RGS7: variants seen among roughly 807,000 people sequenced by gnomAD.
RGS7 encodes the protein regulator of G protein signaling 7.
A neutral mutation model predicts 81.1 loss-of-function variants in RGS7; 27 were observed. That is an observed-to-expected ratio of 0.33 (90% confidence interval 0.25 to 0.46). RGS7 has a LOEUF of 0.46. RGS7 is among the 20% of genes least tolerant of loss of function. RGS7 has a pLI of 1.00. For synonymous variants in RGS7, 208 were observed against 207.7 expected (o/e 1.00, Z -0.01); for missense variants, 396 against 607.4 (o/e 0.65, Z 3.66).
At chr1:241,109,362 T>C (rs975143567) in intron 2 of RGS7, among the ~76,000 whole-genome samples, 1 of 152,108 alleles carries the variant, frequency 6.6e-6, no homozygotes, top group Non-Finnish European at 1.5e-5. Flanking sequence ...CCTACCTCTC[T>C]CATCCCAACA....
chr1:241,016,539 TCAA>T lies in RGS7; in HGVS notation c.176-33413_176-33411del, dbSNP rs763293095. ...CTCAAAAAAACACAAAAAACAAAAA[TCAA>T]CAACAACAAAAACCAACCAAACAAA... On this transcript the variant is annotated intron_variant, in intron 3 of 18. Transcript: ENST00000440928. Among the ~76,000 whole-genome samples the T allele has an allele frequency of 1.9e-3, 279 of 145,458 alleles. 7 individuals are homozygous for T. In the East Asian group the frequency reaches 0.046, roughly 24 times the overall value.
chr1:240,796,530 C>CA, intron 18 of RGS7, among the ~76,000 whole-genome samples: 1 of 152,198 alleles, frequency 6.6e-6, no homozygotes, highest in African/African-American at 2.4e-5. Context: ...TACTAAAATA[C>CA]AAAAAATTAG....
intron 18 of RGS7, among the ~76,000 whole-genome samples, chr1:240,778,872 G>A (rs1683444925): frequency 6.6e-6 from 1 of 152,080 alleles, no homozygotes; most frequent in Admixed American, 6.5e-5. Flanking sequence ...CTAGGCTTAT[G>A]TTTATTCACT....
At chr1:240,941,495 T>A (rs560945865) in intron 4 of RGS7, among the ~76,000 whole-genome samples, 6 of 152,162 alleles carry the variant, frequency 3.9e-5, no homozygotes, top group Admixed American at 3.9e-4. Flanking sequence ...GCTAAATCAA[T>A]GAACAAGGAC....
chr1:240,848,176 G>A (rs1462279418), intron 9 of RGS7, among the ~76,000 whole-genome samples: 4 of 152,142 alleles, frequency 2.6e-5, no homozygotes, highest in Non-Finnish European at 1.5e-5. Context: ...GGAATTGAAT[G>A]GAGAAAGAGA....
In RGS7 at chr1:241,241,094, C is replaced by A. The variant is rs568155151; in HGVS notation, c.78+114605G>T. On this transcript the variant is annotated intron_variant, in intron 2 of 18. Coordinates refer to ENST00000440928, the MANE Select transcript of RGS7 (RefSeq NM_001364886.1). ...ACTGCCTGTTTGCTGCCCTCCAGGT[C>A]TTCTGCAGTGAGACCCCCTGCTTTT... Among the ~76,000 whole-genome samples the A allele has an allele frequency of 9.9e-5, 15 of 152,236 alleles. No homozygotes were observed. The South Asian group carries it at 2.7e-3, about 27-fold the overall frequency.
At chr1:241,328,855 T>C (rs1258171266) in intron 2 of RGS7, among the ~76,000 whole-genome samples, 1 of 152,210 alleles carries the variant, frequency 6.6e-6, no homozygotes, top group Non-Finnish European at 1.5e-5. Flanking sequence ...ATGAAAATAC[T>C]CTGGAAACAA....
At chr1:240,896,961 G>T (rs1357836426) in intron 6 of RGS7, among the ~76,000 whole-genome samples, 2 of 152,062 alleles carry the variant, frequency 1.3e-5, no homozygotes, top group Non-Finnish European at 2.9e-5. Flanking sequence ...TTATTTCGTT[G>T]AGCAGTGGTT....
intron 4 of RGS7, among the ~76,000 whole-genome samples, chr1:240,976,793 CATCT>C (rs34903099): frequency 0.42 from 63,419 of 150,682 alleles, 14,936 homozygotes; most frequent in East Asian, 0.68. Context: ...ATCTATTATC[CATCT>C]ATCTATCATC....
At chr1:241,137,613 A>G (rs2067613863) in intron 2 of RGS7, among the ~76,000 whole-genome samples, 1 of 152,214 alleles carries the variant, frequency 6.6e-6, no homozygotes, top group South Asian at 2.1e-4. Context: ...ATTAGGCTCA[A>G]TTCAGGATGC....
intron 2 of RGS7, among the ~76,000 whole-genome samples, chr1:241,295,182 C>G (rs958176675): frequency 6.6e-6 from 1 of 152,104 alleles, no homozygotes; most frequent in Non-Finnish European, 1.5e-5. Flanking sequence ...GGTGCGGTGG[C>G]TCACGCCTGT....
intron 3 of RGS7, among the ~76,000 whole-genome samples, chr1:241,030,305 C>T (rs1484640898): frequency 6.8e-6 from 1 of 147,646 alleles, no homozygotes; most frequent in Non-Finnish European, 1.5e-5. Flanking sequence ...GATTTCTACC[C>T]TCCCACAGGG....
At chr1:241,196,991 T>TAAAAAAAAAA (rs34557484) in intron 2 of RGS7, among the ~76,000 whole-genome samples, 4 of 132,594 alleles carry the variant, frequency 3.0e-5, no homozygotes, top group Admixed American at 7.4e-5. Flanking sequence ...CAAAAGAATG[T>TAAAAAAAAAA]AAAAAAAAAA....
At chr1:241,045,413 G>A (rs538331606) in intron 3 of RGS7, among the ~76,000 whole-genome samples, 12 of 152,156 alleles carry the variant, frequency 7.9e-5, no homozygotes, top group Middle Eastern at 6.8e-3. Flanking sequence ...GCCCAGGCTG[G>A]AGTGCAGTGG....
At chr1:241,320,721 A>G (rs550971120) in intron 2 of RGS7, among the ~76,000 whole-genome samples, 1 of 152,344 alleles carries the variant, frequency 6.6e-6, no homozygotes, top group South Asian at 2.1e-4. Flanking sequence ...TTTCCTCAAC[A>G]AACTGAGACT....
chr1:240,937,722 T>C (rs1676883464), intron 4 of RGS7, among the ~76,000 whole-genome samples: 1 of 152,212 alleles, frequency 6.6e-6, no homozygotes, highest in African/African-American at 2.4e-5. Context: ...CCATCAGTAA[T>C]GTTTCTAATG....
chr1:240,885,733 C>T (rs1294141475), intron 6 of RGS7, among the ~76,000 whole-genome samples: 1 of 152,076 alleles, frequency 6.6e-6, no homozygotes, highest in Non-Finnish European at 1.5e-5. Context: ...GCAACAGACA[C>T]TGGGATCTAC....
chr1:241,083,628 AC>A lies in RGS7; in HGVS notation c.175+15037del, dbSNP rs1201828154. Among the ~76,000 whole-genome samples, 13 of 152,202 alleles carry A rather than the reference AC, an allele frequency of 8.5e-5. 1 individual carries two copies. The highest frequency in any genetic ancestry group is 1.9e-4 in the Non-Finnish European group (13 of 68,034). Reference sequence around the variant, plus strand: ...GTCATGTCTCTTGCGGATCTAGTTAACATTTCCTGTTTTCTGCAAGAATTAA... The same window carrying A: ...GTCATGTCTCTTGCGGATCTAGTTAAATTTCCTGTTTTCTGCAAGAATTAA... On this transcript the variant is annotated intron_variant, in intron 3 of 18. Coordinates refer to ENST00000440928, the MANE Select transcript of RGS7 (RefSeq NM_001364886.1).
In RGS7 at chr1:240,959,592, T is replaced by G. The variant is rs543016619; in HGVS notation, c.227-22886A>C. Among the ~76,000 whole-genome samples the G allele has an allele frequency of 2.6e-5, 4 of 152,228 alleles. No homozygotes were observed. The South Asian group carries it at 6.2e-4, about 24-fold the overall frequency. ...AATCTCATGGGACCATTGTCATACATGCTGTCCTTTGCTGACCGAAACGTT... is the reference window on the plus strand; with the variant it reads ...AATCTCATGGGACCATTGTCATACAGGCTGTCCTTTGCTGACCGAAACGTT... On this transcript the variant is annotated intron_variant, in intron 4 of 18. Transcript: ENST00000440928.
Sources: allele counts gnomAD v4.1 joint callset (sites outside exome capture counted in the v4.1 genomes callset), GRCh38; gene constraint gnomAD v4.1.1; transcripts MANE v1.5; gene names NCBI Gene and HGNC (gene_info 2026-07-23, HGNC 2026-07-21).